The following SPATA6 variants were observed in gnomAD, a reference collection of about 807,000 sequenced individuals.
SPATA6 encodes spermatogenesis-associated protein 6.
SPATA6 carries 56 observed loss-of-function variants against 65.3 expected under a neutral mutation model. The ratio of observed to expected loss-of-function variants is 0.86; its 90% CI spans 0.69 to 1.07. SPATA6 has a LOEUF of 1.07. SPATA6 is among the 50% of genes least tolerant of loss of function. The pLI is 0.00. For missense variants in SPATA6, 590 were observed against 594.8 expected (o/e 0.99, Z 0.08); for synonymous variants, 199 against 213.2 (o/e 0.93, Z 0.58).
intron 11 of SPATA6, among the ~76,000 whole-genome samples, chr1:48,319,267 A>T (rs1218521742): frequency 6.6e-6 from 1 of 152,232 alleles, no homozygotes; most frequent in East Asian, 1.9e-4. Context: ...GTTGGATTTC[A>T]TCAAAATTTT....
At chr1:48,327,942 A>T (rs1645811077) in intron 11 of SPATA6, among the ~76,000 whole-genome samples, 1 of 152,194 alleles carries the variant, frequency 6.6e-6, no homozygotes, top group African/African-American at 2.4e-5. Context: ...ATATCCATGT[A>T]ACAAACATAG....
intron 11 of SPATA6, chr1:48,325,065 A>G (rs926747858): frequency 5.6e-6 from 2 of 356,878 alleles, no homozygotes; most frequent in Middle Eastern, 7.6e-4. Context: ...ACATTTCTCC[A>G]TGACCAAAAA....
At position 48,312,990 on chromosome 1, in the gene SPATA6, G is replaced by GA. The variant is rs934904785; in HGVS notation, c.1195-7113dup. ...AATGACATGAAGCGAGAAGTTTAGA[G>GA]AAAAAAATAAATAAAAAGAAACTAA... On this transcript the variant is annotated intron_variant, in intron 11 of 12. Coordinates refer to ENST00000371847, the MANE Select transcript of SPATA6 (RefSeq NM_019073.4). Among the ~76,000 whole-genome samples the GA allele has an allele frequency of 3.3e-5, 5 of 151,944 alleles. No individual in the cohort carries two copies. The East Asian group carries it at 9.6e-4, about 29-fold the overall frequency.
At chr1:48,364,530 A>T (rs1449543614) in intron 9 of SPATA6, among the ~76,000 whole-genome samples, 2 of 152,030 alleles carry the variant, frequency 1.3e-5, no homozygotes, top group African/African-American at 2.4e-5. Context: ...TGTGGTTTTG[A>T]TTTGCATTTC....
chr1:48,406,783 A>C (rs1651750737), intron 5 of SPATA6, among the ~76,000 whole-genome samples: 1 of 152,166 alleles, frequency 6.6e-6, no homozygotes, highest in Non-Finnish European at 1.5e-5. Flanking sequence ...GTTTACATTA[A>C]TCTACCCAAA....
Position 48,472,139 on chromosome 1 carries a change from G to A in SPATA6, c.-131C>T. The stretch of plus-strand genomic sequence containing the variant: ...GTGGCAGCAGTGGCCCCCAGGCCGG[G>A]GCCCGCGGTCCAGCCTGGGTTCCGC... On this transcript the variant is annotated 5_prime_UTR_variant, in exon 1 of 13. Coordinates refer to ENST00000371847, the MANE Select transcript of SPATA6 (RefSeq NM_019073.4). 1.4e-6 allele frequency: 1 copy of A among 693,888 alleles called. No individual in the cohort carries two copies. Among genetic ancestry groups the A allele is most frequent in the Non-Finnish European group, 2.2e-6 (1 of 444,744 alleles). The allele number at this position is 693,888 out of a possible 1,614,324, so 43.0% of individuals were successfully genotyped here. A position where few individuals can be genotyped will look rare whatever the true frequency, so the allele number is the denominator to read the frequency against.
chr1:48,304,476 A>G (rs1029168421), intron 12 of SPATA6, among the ~76,000 whole-genome samples: 12 of 152,308 alleles, frequency 7.9e-5, no homozygotes, highest in African/African-American at 2.6e-4. Flanking sequence ...ATCTACCTAC[A>G]TTAGAATTAC....
At chr1:48,340,842 C>T (rs986435989) in intron 11 of SPATA6, among the ~76,000 whole-genome samples, 5 of 152,020 alleles carry the variant, frequency 3.3e-5, no homozygotes, top group African/African-American at 7.2e-5. Context: ...CAACATTATT[C>T]CAAAGAAAGT....
At chr1:48,412,559 T>C (rs1342648291) in intron 4 of SPATA6, among the ~76,000 whole-genome samples, 1 of 152,232 alleles carries the variant, frequency 6.6e-6, no homozygotes, top group Non-Finnish European at 1.5e-5. Context: ...ACTGACATTT[T>C]ACACATAGTA....
At chr1:48,306,898 G>A (rs1459078237) in intron 11 of SPATA6, among the ~76,000 whole-genome samples, 3 of 151,776 alleles carry the variant, frequency 2.0e-5, no homozygotes, top group Admixed American at 6.6e-5. Context: ...CTTTATTTCT[G>A]TAACTGCTTT....
intron 11 of SPATA6, among the ~76,000 whole-genome samples, chr1:48,316,135 C>T (rs187266685): frequency 2.6e-5 from 4 of 152,204 alleles, no homozygotes; most frequent in East Asian, 3.9e-4. Flanking sequence ...TCAATGCCAA[C>T]CCCATCAAGC....
At chr1:48,386,001 C>G (rs984752306) in intron 8 of SPATA6, among the ~76,000 whole-genome samples, 3 of 152,136 alleles carry the variant, frequency 2.0e-5, no homozygotes, top group Admixed American at 2.0e-4. Flanking sequence ...CCATCATCAA[C>G]AACAACATCA....
At chr1:48,442,409 G>A (rs1418381756) in intron 3 of SPATA6, among the ~76,000 whole-genome samples, 1 of 152,072 alleles carries the variant, frequency 6.6e-6, no homozygotes, top group Non-Finnish European at 1.5e-5. Context: ...TGCATGCAGT[G>A]CAAAAACCCA....
chr1:48,273,582 A>T, the SPATA6 span, among the ~76,000 whole-genome samples: 1 of 152,166 alleles, frequency 6.6e-6, no homozygotes, highest in South Asian at 2.1e-4. Context: ...ATGAGTGAGA[A>T]CATGAGGTGT....
chr1:48,413,941 A>C (rs1652513500), intron 3 of SPATA6, among the ~76,000 whole-genome samples: 1 of 152,228 alleles, frequency 6.6e-6, no homozygotes, highest in African/African-American at 2.4e-5. Context: ...TTATACCATA[A>C]GTTTATATTG....
chr1:48,272,062 A>C, the SPATA6 span, among the ~76,000 whole-genome samples: 1 of 152,130 alleles, frequency 6.6e-6, no homozygotes, highest in Non-Finnish European at 1.5e-5. Flanking sequence ...TTGAGGTATC[A>C]TTGACATAAA....
At position 48,472,027 on chromosome 1, in the gene SPATA6, C is replaced by CGG. The variant is rs779742950; in HGVS notation, c.-21_-20dup. On this transcript the variant is annotated 5_prime_UTR_variant, in exon 1 of 13. Coordinates refer to ENST00000371847, the MANE Select transcript of SPATA6 (RefSeq NM_019073.4). Reference sequence around the variant, plus strand: ...TCGGCATCCGTGCGGGGAGGGGCGGCGGGGAGTGACCCCGGCCACGGGCCC... The same window carrying CGG: ...TCGGCATCCGTGCGGGGAGGGGCGGCGGGGGGAGTGACCCCGGCCACGGGCCC... 5 of 1,339,064 alleles carry CGG rather than the reference C, an allele frequency of 3.7e-6. No individual in the cohort carries two copies. In the African/African-American group the frequency reaches 6.3e-5, roughly 17 times the overall value. 82.9% of individuals were successfully genotyped at this position (1,339,064 alleles called of 1,614,324 possible).
At chr1:48,390,971 T>G (rs1243508118) in intron 8 of SPATA6, among the ~76,000 whole-genome samples, 1 of 152,184 alleles carries the variant, frequency 6.6e-6, no homozygotes, top group African/African-American at 2.4e-5. Flanking sequence ...TTACTTCAAA[T>G]GCTTTTCAAA....
At chr1:48,363,681 C>T (rs1178933994) in intron 9 of SPATA6, among the ~76,000 whole-genome samples, 2 of 151,232 alleles carry the variant, frequency 1.3e-5, no homozygotes, top group African/African-American at 2.4e-5. Flanking sequence ...ATGGCAAATG[C>T]TAAAATGAAT....
Sources: gnomAD v4.1 joint callset for allele counts (sites outside exome capture counted in the v4.1 genomes callset) on GRCh38, gnomAD v4.1.1 for gene constraint, MANE v1.5 for transcripts, NCBI Gene and HGNC (gene_info 2026-07-23, HGNC 2026-07-21) for gene names.